The following SV2C variants were observed in gnomAD, a reference collection of about 807,000 sequenced individuals.
SV2C encodes solute carrier family 22 member B3.
A neutral mutation model predicts 79.7 loss-of-function variants in SV2C; 49 were observed. The observed-to-expected ratio is 0.61, with a 90% CI of 0.49 to 0.78. The LOEUF is 0.78. Ranked by LOEUF, SV2C falls within the 30% of genes least tolerant of loss-of-function variation. The pLI, the probability that SV2C is intolerant of heterozygous loss-of-function variation, is 0.00. For missense variants in SV2C, 833 were observed against 912.9 expected (o/e 0.91, Z 1.13); for synonymous variants, 334 against 333.2 (o/e 1.00, Z -0.03).
the SV2C span, among the ~76,000 whole-genome samples, chr5:75,933,687 T>A: frequency 1.3e-4 from 20 of 152,232 alleles, no homozygotes; most frequent in Admixed American, 1.1e-3. Flanking sequence ...GCAGGAACCA[T>A]CTTGGCTCCA....
At chr5:76,234,181 A>G (rs959377995) in intron 4 of SV2C, among the ~76,000 whole-genome samples, 1 of 152,202 alleles carries the variant, frequency 6.6e-6, no homozygotes, top group Non-Finnish European at 1.5e-5. Context: ...ATGTGAAGGA[A>G]CTAGTAATTC....
the SV2C span, among the ~76,000 whole-genome samples, chr5:75,887,175 C>G: frequency 5.3e-5 from 8 of 152,088 alleles, no homozygotes; most frequent in Admixed American, 1.3e-4. Flanking sequence ...GCTAAATTAT[C>G]ATATGCATTA....
chr5:75,865,860 T>C, the SV2C span, among the ~76,000 whole-genome samples: 2 of 152,306 alleles, frequency 1.3e-5, no homozygotes, highest in East Asian at 3.9e-4. Flanking sequence ...AGCCAACCTT[T>C]GTCACCAGCC....
chr5:75,876,176 C>A, the SV2C span, among the ~76,000 whole-genome samples: 2 of 152,116 alleles, frequency 1.3e-5, no homozygotes, highest in South Asian at 4.1e-4. Context: ...ACCTAAATGA[C>A]CTTCAGTGAC....
the SV2C span, among the ~76,000 whole-genome samples, chr5:75,937,879 C>CTTTT: frequency 9.1e-3 from 1,367 of 150,020 alleles, 31 homozygotes; most frequent in African/African-American, 0.031. Flanking sequence ...AGCATTATCT[C>CTTTT]TTTTTTTTTG....
chr5:76,159,650 G>A lies in SV2C; in HGVS notation c.580+27320G>A, dbSNP rs573689720. Among the ~76,000 whole-genome samples the A allele has an allele frequency of 2.6e-5, 4 of 152,078 alleles. No homozygotes were observed. In the East Asian group the frequency reaches 7.7e-4, roughly 29 times the overall value. On this transcript the variant is annotated intron_variant, in intron 2 of 12. Transcript: ENST00000502798. ...TGGTTTGTAGATGCATCACTCCAGG[G>A]TCTGCCTCCATCATCATATGACTGT...
At chr5:76,087,038 T>C (rs1157050846) in intron 1 of SV2C, among the ~76,000 whole-genome samples, 3 of 152,212 alleles carry the variant, frequency 2.0e-5, no homozygotes, top group Non-Finnish European at 4.4e-5. Flanking sequence ...TGATGAGTTA[T>C]ATTTTAAGTT....
chr5:76,180,281 G>A (rs4703696), intron 2 of SV2C, among the ~76,000 whole-genome samples: 105,206 of 152,124 alleles, frequency 0.69, 37,511 homozygotes, highest in East Asian at 0.97. Flanking sequence ...TAATATAAAG[G>A]AGACTTTTCT....
downstream of SV2C, among the ~76,000 whole-genome samples, chr5:76,338,761 G>A (rs246817): frequency 8.0e-5 from 12 of 150,460 alleles, no homozygotes; most frequent in East Asian, 1.6e-3. Context: ...GGGTTCAAGC[G>A]ATTCTCCCAC....
chr5:76,248,092 T>G (rs1296924851), intron 4 of SV2C, among the ~76,000 whole-genome samples: 1 of 152,184 alleles, frequency 6.6e-6, no homozygotes, highest in Non-Finnish European at 1.5e-5. Flanking sequence ...GCTGCAAAAC[T>G]GGAAATATTC....
the SV2C span, among the ~76,000 whole-genome samples, chr5:75,894,396 G>A: frequency 1.3e-5 from 2 of 152,100 alleles, no homozygotes; most frequent in African/African-American, 4.8e-5. Flanking sequence ...ATTTTAATTT[G>A]CCCTATTCTG....
chr5:76,335,668 C>G (rs1232151831), downstream of SV2C, among the ~76,000 whole-genome samples: 2 of 152,152 alleles, frequency 1.3e-5, no homozygotes, highest in Admixed American at 6.5e-5. Flanking sequence ...CAAAGCACAT[C>G]TTGCACCACC....
chr5:75,878,706 CA>C, the SV2C span, among the ~76,000 whole-genome samples: 4 of 152,270 alleles, frequency 2.6e-5, no homozygotes, highest in East Asian at 7.7e-4. Flanking sequence ...CACATAAATA[CA>C]TACCCTACTC....
chr5:76,226,539 C>T (rs1472379651), intron 4 of SV2C, among the ~76,000 whole-genome samples: 2 of 152,170 alleles, frequency 1.3e-5, no homozygotes, highest in African/African-American at 2.4e-5. Flanking sequence ...ATACAATTTA[C>T]ACATGTGGTA....
At chr5:75,872,055 T>A in the SV2C span, among the ~76,000 whole-genome samples, 1 of 146,890 alleles carries the variant, frequency 6.8e-6, no homozygotes, top group East Asian at 2.0e-4. Context: ...TCATATATAT[T>A]TATATATACA....
chr5:75,849,077 T>A, the SV2C span, among the ~76,000 whole-genome samples: 1 of 152,206 alleles, frequency 6.6e-6, no homozygotes. Flanking sequence ...CCCGTATGCA[T>A]GAAAGAAGTC....
At chr5:75,959,307 C>T in the SV2C span, among the ~76,000 whole-genome samples, 10 of 151,944 alleles carry the variant, frequency 6.6e-5, no homozygotes, top group Non-Finnish European at 1.3e-4. Context: ...AAAACATCTT[C>T]TTTGGAGATT....
the SV2C span, among the ~76,000 whole-genome samples, chr5:75,939,977 C>T: frequency 6.6e-6 from 1 of 152,152 alleles, no homozygotes; most frequent in Non-Finnish European, 1.5e-5. Flanking sequence ...CTCCTTCCAT[C>T]GTCCTGAGAA....
At chr5:75,929,364 C>T in the SV2C span, among the ~76,000 whole-genome samples, 2 of 152,066 alleles carry the variant, frequency 1.3e-5, no homozygotes, top group South Asian at 4.1e-4. Context: ...AGCCCCCTTC[C>T]AGATGAGCCC....
Sources: gnomAD v4.1 joint callset for allele counts (sites outside exome capture counted in the v4.1 genomes callset) on GRCh38, gnomAD v4.1.1 for gene constraint, MANE v1.5 for transcripts, NCBI Gene and HGNC (gene_info 2026-07-23, HGNC 2026-07-21) for gene names.